TMEM132D: variants seen among roughly 807,000 people sequenced by gnomAD.
The protein encoded by TMEM132D is transmembrane protein 132D, also known as mature OL transmembrane protein.
In TMEM132D, 21 loss-of-function variants were observed where a neutral mutation model predicts 62.3. The observed-to-expected ratio is 0.34, with a 90% confidence interval of 0.24 to 0.49. TMEM132D has a LOEUF of 0.49. TMEM132D is among the 20% of genes least tolerant of loss of function. TMEM132D has a pLI of 0.99. For synonymous variants in TMEM132D, 621 were observed against 575.6 expected, an observed-to-expected ratio of 1.08 and a Z score of -1.13; for missense variants, 1,346 against 1,402.8, an observed-to-expected ratio of 0.96 and a Z score of 0.65.
At chr12:129,284,008 T>C (rs1367771009) in intron 4 of TMEM132D, among the ~76,000 whole-genome samples, 1 of 152,220 alleles carries the variant, frequency 6.6e-6, no homozygotes, top group Non-Finnish European at 1.5e-5. Flanking sequence ...TTGAAACTCA[T>C]TGTTAGAATC....
intron 4 of TMEM132D, among the ~76,000 whole-genome samples, chr12:129,282,163 G>A (rs1348852660): frequency 6.6e-6 from 1 of 152,184 alleles, no homozygotes; most frequent in African/African-American, 2.4e-5. Context: ...TGAGATAAGA[G>A]TGAGGAAACA....
At position 129,616,940 on chromosome 12, in the gene TMEM132D, G is replaced by A. The variant is rs190634400; in HGVS notation, c.968+82870C>T. Among the ~76,000 whole-genome samples the A allele has an allele frequency of 2.8e-4, 43 of 152,262 alleles. No homozygotes were observed. In the East Asian group the frequency reaches 3.9e-3, roughly 14 times the overall value. On this transcript the variant is annotated intron_variant, in intron 2 of 8. Coordinates refer to ENST00000422113, the MANE Select transcript of TMEM132D (RefSeq NM_133448.3). ...GAGATGAAGAACACTGGATTTTGTC[G>A]CTGTTGTATATTTGTTTGTGGGTTT...
At chr12:129,792,537 G>C (rs1019611015) in intron 1 of TMEM132D, among the ~76,000 whole-genome samples, 6 of 152,164 alleles carry the variant, frequency 3.9e-5, no homozygotes, top group Non-Finnish European at 8.8e-5. Context: ...TGAGGCACCA[G>C]GCGCTGTGCT....
chr12:129,195,396 CT>C (rs1878520274), intron 5 of TMEM132D, among the ~76,000 whole-genome samples: 1 of 151,962 alleles, frequency 6.6e-6, no homozygotes. Context: ...AGGAACATAG[CT>C]TTCACTGGGC....
At chr12:129,496,455 A>G (rs1032639585) in intron 3 of TMEM132D, among the ~76,000 whole-genome samples, 3 of 152,114 alleles carry the variant, frequency 2.0e-5, no homozygotes, top group African/African-American at 7.2e-5. Flanking sequence ...ATGTCTAAAG[A>G]GTAAGGGCTT....
chr12:129,784,684 A>G (rs1425983838), intron 1 of TMEM132D, among the ~76,000 whole-genome samples: 2 of 152,136 alleles, frequency 1.3e-5, no homozygotes, highest in Non-Finnish European at 2.9e-5. Flanking sequence ...GTATCATTCC[A>G]TTCCCTCCTA....
chr12:129,475,089 T>C (rs751799079), intron 3 of TMEM132D, among the ~76,000 whole-genome samples: 4 of 152,168 alleles, frequency 2.6e-5, no homozygotes, highest in Non-Finnish European at 4.4e-5. Flanking sequence ...AAAAACTCTA[T>C]GTATTACTAT....
At chr12:129,106,847 A>G (rs1875517395) in intron 5 of TMEM132D, among the ~76,000 whole-genome samples, 1 of 152,192 alleles carries the variant, frequency 6.6e-6, no homozygotes, top group Non-Finnish European at 1.5e-5. Context: ...AGGTGCCTCA[A>G]TATGAAGGCC....
intron 3 of TMEM132D, among the ~76,000 whole-genome samples, chr12:129,396,147 T>C (rs1593363721): frequency 1.3e-5 from 2 of 148,516 alleles, no homozygotes; most frequent in South Asian, 4.2e-4. Flanking sequence ...CAATAAAAAA[T>C]AGTGGAATAT....
chr12:129,211,721 C>T (rs1300384087), intron 4 of TMEM132D, among the ~76,000 whole-genome samples: 1 of 152,112 alleles, frequency 6.6e-6, no homozygotes, highest in African/African-American at 2.4e-5. Context: ...GTTCAGAGAC[C>T]ATGTTTCAAA....
chr12:129,886,264 T>C (rs74637942), intron 1 of TMEM132D, among the ~76,000 whole-genome samples: 8,612 of 152,278 alleles, frequency 0.057, 332 homozygotes, highest in Middle Eastern at 0.11. Context: ...ATTGTACTTT[T>C]GCAACTGTGG....
At chr12:129,506,539 C>T (rs1875335863) in intron 3 of TMEM132D, among the ~76,000 whole-genome samples, 1 of 152,104 alleles carries the variant, frequency 6.6e-6, no homozygotes, top group African/African-American at 2.4e-5. Context: ...GAATAGAGAA[C>T]CCAGAAATAA....
At chr12:129,786,996 G>A (rs1045572362) in intron 1 of TMEM132D, among the ~76,000 whole-genome samples, 1 of 152,166 alleles carries the variant, frequency 6.6e-6, no homozygotes, top group Non-Finnish European at 1.5e-5. Context: ...GCAAGTTGCA[G>A]AATGATGAGG....
At chr12:129,479,627 A>G (rs1288776623) in intron 3 of TMEM132D, among the ~76,000 whole-genome samples, 1 of 152,264 alleles carries the variant, frequency 6.6e-6, no homozygotes, top group Non-Finnish European at 1.5e-5. Flanking sequence ...AGTTAACCTT[A>G]CAGTATGTGA....
At chr12:129,141,616 G>A (rs557486300) in intron 5 of TMEM132D, among the ~76,000 whole-genome samples, 1 of 152,198 alleles carries the variant, frequency 6.6e-6, no homozygotes, top group African/African-American at 2.4e-5. Flanking sequence ...GAATTTGACC[G>A]AGCATGACCC....
At chr12:129,259,070 G>A (rs77400219) in intron 4 of TMEM132D, among the ~76,000 whole-genome samples, 3,822 of 152,234 alleles carry the variant, frequency 0.025, 158 homozygotes, top group African/African-American at 0.087. Flanking sequence ...ATACAGCAGG[G>A]TTGTAGACAC....
At chr12:129,771,239 G>A (rs1348564828) in intron 1 of TMEM132D, among the ~76,000 whole-genome samples, 2 of 152,192 alleles carry the variant, frequency 1.3e-5, no homozygotes, top group African/African-American at 4.8e-5. Flanking sequence ...GGCAGCACAG[G>A]GCAGTGGTTC....
intron 1 of TMEM132D, among the ~76,000 whole-genome samples, chr12:129,759,215 T>C (rs1260641288): frequency 6.6e-6 from 1 of 152,210 alleles, no homozygotes; most frequent in African/African-American, 2.4e-5. Context: ...ATTATAGGCG[T>C]GAGCCACCAC....
At chr12:129,596,755 C>T (rs1279697832) in intron 2 of TMEM132D, among the ~76,000 whole-genome samples, 1 of 151,992 alleles carries the variant, frequency 6.6e-6, no homozygotes, top group Non-Finnish European at 1.5e-5. Context: ...ATGCCTCTGA[C>T]CTCATTCGAA....
Sources: allele counts gnomAD v4.1 joint callset (sites outside exome capture counted in the v4.1 genomes callset), GRCh38; gene constraint gnomAD v4.1.1; transcripts MANE v1.5; gene names NCBI Gene and HGNC (gene_info 2026-07-23, HGNC 2026-07-21).